LMBR1: variants seen among roughly 807,000 people sequenced by gnomAD.
LMBR1 encodes the protein limb region 1 protein homolog.
In LMBR1, 52 loss-of-function variants were observed where a neutral mutation model predicts 73.9. That is an observed-to-expected ratio of 0.70 (90% CI 0.56 to 0.89). LMBR1 has a LOEUF of 0.89. Ranked by LOEUF, LMBR1 falls within the 40% of genes least tolerant of loss-of-function variation. The pLI is 0.00. For synonymous variants in LMBR1, 215 were observed against 209.4 expected, an observed-to-expected ratio of 1.03 and a Z score of -0.23; for missense variants, 539 against 579.8, an observed-to-expected ratio of 0.93 and a Z score of 0.72.
chr7:156,686,067 T>C (rs1233929562), intron 16 of LMBR1, among the ~76,000 whole-genome samples: 1 of 152,118 alleles, frequency 6.6e-6, no homozygotes, highest in Non-Finnish European at 1.5e-5. Context: ...GTTGAGGAAG[T>C]GTGCTAAAAT....
rs565880167 is a variant in LMBR1, at chr7:156,703,843, C to A, written c.1226-15652G>T. On this transcript the variant is annotated intron_variant, in intron 15 of 16. Transcript: ENST00000353442. ...AGTTTTCCATTACCCAATCTGCCAC[C>A]TGAGACACCCAAGTACTTCTCCCAT... 3.9e-5 allele frequency among the ~76,000 whole-genome samples: 6 copies of A among 152,296 alleles called. No individual in the cohort carries two copies. In the South Asian group the frequency reaches 8.3e-4, roughly 21 times the overall value.
chr7:156,709,886 C>G (rs1370782154), intron 15 of LMBR1, among the ~76,000 whole-genome samples: 1 of 142,076 alleles, frequency 7.0e-6, no homozygotes, highest in Non-Finnish European at 1.5e-5. Flanking sequence ...TTAAAGAATT[C>G]AGAAGGTTGA....
At chr7:156,873,684 A>G (rs1799695335) in intron 1 of LMBR1, among the ~76,000 whole-genome samples, 1 of 152,182 alleles carries the variant, frequency 6.6e-6, no homozygotes, top group Admixed American at 6.5e-5. Flanking sequence ...CCACCAGAGC[A>G]GCTAGATACA....
intron 4 of LMBR1, among the ~76,000 whole-genome samples, chr7:156,806,244 T>C (rs1163302788): frequency 1.3e-5 from 2 of 152,224 alleles, no homozygotes; most frequent in East Asian, 3.8e-4. Context: ...CTATTGCATA[T>C]AAGTGATATT....
chr7:156,842,376 CA>C (rs1259359801), intron 1 of LMBR1, among the ~76,000 whole-genome samples: 2 of 140,586 alleles, frequency 1.4e-5, no homozygotes, highest in Non-Finnish European at 3.2e-5. Context: ...GAAACAAAGA[CA>C]GTTATTTAAT....
chr7:156,871,819 G>A (rs1000350460), intron 1 of LMBR1, among the ~76,000 whole-genome samples: 1 of 152,020 alleles, frequency 6.6e-6, no homozygotes. Context: ...TATATGAAAA[G>A]CCCACAGCTA....
At position 156,731,793 on chromosome 7, in the gene LMBR1, A is replaced by G. The variant is rs530537992; in HGVS notation, c.838+2384T>C. Among the ~76,000 whole-genome samples the G allele has an allele frequency of 1.3e-4, 20 of 152,166 alleles. No individual in the cohort carries two copies. The South Asian group carries it at 4.1e-3, about 32-fold the overall frequency. ...GTCAGTAAAAATTTTAAAGTCCAAC[A>G]TTGTCAAGTATAATACTCATGCCCA... is the stretch of plus-strand genomic sequence containing the variant. On this transcript the variant is annotated intron_variant, in intron 10 of 16. Coordinates refer to ENST00000353442, the MANE Select transcript of LMBR1 (RefSeq NM_022458.4).
At position 156,891,590 on chromosome 7, in the gene LMBR1, G is replaced by T. The variant is rs367598367; in HGVS notation, c.66+1338C>A. Reference sequence around the variant, plus strand: ...AAGAGGGAAAGGAATCAGTCTCTGGGATCCTAGTAAAATTGTGTTTATTTA... The same window carrying T: ...AAGAGGGAAAGGAATCAGTCTCTGGTATCCTAGTAAAATTGTGTTTATTTA... On this transcript the variant is annotated intron_variant, in intron 1 of 16. Transcript: ENST00000353442. Among the ~76,000 whole-genome samples, 37 of 152,216 alleles carry T rather than the reference G, an allele frequency of 2.4e-4. No individual in the cohort carries two copies. The East Asian group carries it at 5.2e-3, about 21-fold the overall frequency.
chr7:156,719,370 C>T (rs1333717662), intron 15 of LMBR1, among the ~76,000 whole-genome samples: 5 of 152,018 alleles, frequency 3.3e-5, no homozygotes, highest in Admixed American at 3.3e-4. Context: ...TTTTCTTAAT[C>T]CAGTCTATCA....
At chr7:156,724,795 TGTG>T (rs1286422883) in intron 14 of LMBR1, among the ~76,000 whole-genome samples, 26 of 151,798 alleles carry the variant, frequency 1.7e-4, no homozygotes, top group Non-Finnish European at 4.4e-5. Context: ...TGTGTGTGTG[TGTG>T]TGTGTGTGTA....
At chr7:156,843,835 CAAAAAA>C (rs11288663) in intron 1 of LMBR1, among the ~76,000 whole-genome samples, 2 of 120,918 alleles carry the variant, frequency 1.7e-5, no homozygotes, top group Non-Finnish European at 3.5e-5. Context: ...GACCCTGTCT[CAAAAAA>C]AAAAAAAAAA....
At position 156,893,129 on chromosome 7, in the gene LMBR1, C is replaced by T; in HGVS notation, c.-136G>A. The T allele has an allele frequency of 1.2e-6, 1 of 824,522 alleles. No individual in the cohort carries two copies. The highest frequency in any genetic ancestry group is 1.7e-6 in the Non-Finnish European group (1 of 603,950). 51.1% of individuals were successfully genotyped at this position (824,522 alleles called of 1,614,324 possible). On this transcript the variant is annotated 5_prime_UTR_variant, in exon 1 of 17. Transcript: ENST00000353442. ...CCCGCGAGCCGTGTTGGAACAGGTA[C>T]CGCGACCACGACACCGGCCGTCGCC...
chr7:156,676,166 T>C, downstream of LMBR1: 1 of 1,158,670 alleles, frequency 8.6e-7, no homozygotes, highest in South Asian at 1.7e-5. Context: ...ATTCTGGAAG[T>C]TCCTGTTGGA....
At chr7:156,749,751 G>A (rs540640232) in intron 9 of LMBR1, among the ~76,000 whole-genome samples, 65 of 152,156 alleles carry the variant, frequency 4.3e-4, no homozygotes, top group Admixed American at 2.5e-3. Flanking sequence ...GTGCAATGGC[G>A]TGATCTCGGC....
chr7:156,769,873 T>C (rs1824857428), intron 5 of LMBR1, among the ~76,000 whole-genome samples: 1 of 152,134 alleles, frequency 6.6e-6, no homozygotes, highest in South Asian at 2.1e-4. Flanking sequence ...TCCCTCAAGT[T>C]TGCTCAGAAG....
intron 4 of LMBR1, among the ~76,000 whole-genome samples, chr7:156,799,003 C>A (rs1367238263): frequency 2.6e-5 from 4 of 151,140 alleles, no homozygotes; most frequent in African/African-American, 9.8e-5. Context: ...ACCAGCCTGG[C>A]CAGCATGGTG....
At chr7:156,865,800 A>G (rs1244828661) in intron 1 of LMBR1, among the ~76,000 whole-genome samples, 3 of 152,222 alleles carry the variant, frequency 2.0e-5, no homozygotes, top group Non-Finnish European at 2.9e-5. Flanking sequence ...TTGATTTTCA[A>G]CAAGAGTATC....
chr7:156,773,411 C>G (rs1825563919), intron 5 of LMBR1, among the ~76,000 whole-genome samples: 1 of 152,162 alleles, frequency 6.6e-6, no homozygotes, highest in Admixed American at 6.5e-5. Context: ...AAGAACAAAG[C>G]TGGAGGTGTC....
downstream of LMBR1, among the ~76,000 whole-genome samples, chr7:156,674,282 G>A (rs1234725913): frequency 6.6e-6 from 1 of 152,202 alleles, no homozygotes; most frequent in Admixed American, 6.5e-5. Flanking sequence ...AGAACACCCA[G>A]AAGAGACATG....
Sources: allele counts gnomAD v4.1 joint callset (sites outside exome capture counted in the v4.1 genomes callset), GRCh38; gene constraint gnomAD v4.1.1; transcripts MANE v1.5; gene names NCBI Gene and HGNC (gene_info 2026-07-23, HGNC 2026-07-21).